MOB3B: variants seen among roughly 807,000 people sequenced by gnomAD.
The protein encoded by MOB3B is MOB kinase activator 3B.
A neutral mutation model predicts 18.7 loss-of-function variants in MOB3B; 7 were observed. That is an observed-to-expected ratio of 0.37 (90% CI 0.21 to 0.70). The LOEUF is 0.70. Ranked by LOEUF, MOB3B falls within the 30% of genes least tolerant of loss-of-function variation. The pLI is 0.52. For synonymous variants in MOB3B, 111 were observed against 99.9 expected (o/e 1.11, Z -0.66); for missense variants, 253 against 281.3 (o/e 0.90, Z 0.72).
rs61043046 is a variant in MOB3B at position 27,365,162 on chromosome 9, C to CAA, written c.419-5928_419-5927dup. 1.9e-3 allele frequency among the ~76,000 whole-genome samples: 205 copies of CAA among 109,808 alleles called. 5 individuals carry two copies. The highest frequency in any genetic ancestry group is 4.8e-3 in the African/African-American group (136 of 28,424). 72.0% of individuals were successfully genotyped at this position (109,808 alleles called of 152,430 possible). ...TCCATCATCTCCTGTTTGGGGGAGG[C>CAA]AAAAAAAAAAAAAGAAAACCCACAG... On this transcript the variant is annotated intron_variant, in intron 2 of 3. Transcript: ENST00000262244.
At chr9:27,394,909 A>T (rs903009978) in intron 2 of MOB3B, among the ~76,000 whole-genome samples, 1 of 152,238 alleles carries the variant, frequency 6.6e-6, no homozygotes, top group African/African-American at 2.4e-5. Flanking sequence ...TCATGCTTTG[A>T]CAGTGAGATG....
intron 1 of MOB3B, chr9:27,524,510 A>G (rs1018211823): frequency 6.2e-7 from 1 of 1,614,004 alleles, no homozygotes; most frequent in African/African-American, 1.3e-5. Context: ...TTCCTGTAGA[A>G]TGTCTACGAG....
chr9:27,440,572 G>A (rs1822578826), intron 2 of MOB3B, among the ~76,000 whole-genome samples: 1 of 151,820 alleles, frequency 6.6e-6, no homozygotes, highest in African/African-American at 2.4e-5. Context: ...AACTGGTGGT[G>A]GTCCACCACT....
intron 1 of MOB3B, among the ~76,000 whole-genome samples, chr9:27,479,289 A>G (rs1050214844): frequency 2.6e-5 from 4 of 152,120 alleles, no homozygotes; most frequent in African/African-American, 9.7e-5. Context: ...CTTTAATAAC[A>G]AACCCACTCC....
chr9:27,357,150 T>TATATATATATATA (rs1419061085), intron 3 of MOB3B, among the ~76,000 whole-genome samples: 1 of 60,138 alleles, frequency 1.7e-5, no homozygotes, highest in Non-Finnish European at 3.9e-5. Flanking sequence ...ATATATGTGT[T>TATATATATATATA]TTTTTTTTTG....
chr9:27,437,906 C>G (rs1172654376), intron 2 of MOB3B, among the ~76,000 whole-genome samples: 1 of 152,160 alleles, frequency 6.6e-6, no homozygotes, highest in East Asian at 1.9e-4. Context: ...AAAACAAAGA[C>G]ACACCCAAAA....
chr9:27,389,577 C>T (rs1821696940), intron 2 of MOB3B, among the ~76,000 whole-genome samples: 1 of 152,132 alleles, frequency 6.6e-6, no homozygotes, highest in South Asian at 2.1e-4. Context: ...TCATGGTTTT[C>T]TTCACAGCAC....
At chr9:27,446,370 C>A (rs1822693054) in intron 2 of MOB3B, among the ~76,000 whole-genome samples, 1 of 152,194 alleles carries the variant, frequency 6.6e-6, no homozygotes, top group Non-Finnish European at 1.5e-5. Context: ...GAAGATGGAA[C>A]TGGCTTTGTG....
intron 2 of MOB3B, among the ~76,000 whole-genome samples, chr9:27,419,369 C>T (rs1427490023): frequency 1.3e-5 from 2 of 152,116 alleles, no homozygotes; most frequent in Non-Finnish European, 2.9e-5. Flanking sequence ...AGCAAAAGAA[C>T]AAATCTGGAG....
chr9:27,522,173 C>T (rs1323508115), intron 1 of MOB3B, among the ~76,000 whole-genome samples: 4 of 127,322 alleles, frequency 3.1e-5, no homozygotes, highest in Non-Finnish European at 6.3e-5. Flanking sequence ...ACCCGGGAGG[C>T]GGAGGTTGCA....
intron 2 of MOB3B, among the ~76,000 whole-genome samples, chr9:27,450,096 G>A (rs996159329): frequency 6.6e-6 from 1 of 151,596 alleles, no homozygotes; most frequent in East Asian, 1.9e-4. Flanking sequence ...TATATTTTCA[G>A]ATCCCTTGCC....
At chr9:27,413,950 A>T (rs1353112113) in intron 2 of MOB3B, among the ~76,000 whole-genome samples, 1 of 152,222 alleles carries the variant, frequency 6.6e-6, no homozygotes, top group Non-Finnish European at 1.5e-5. Context: ...TATCTCAATG[A>T]ACAGAAGGCG....
chr9:27,391,395 G>C (rs1821725487), intron 2 of MOB3B, among the ~76,000 whole-genome samples: 1 of 152,150 alleles, frequency 6.6e-6, no homozygotes, highest in Non-Finnish European at 1.5e-5. Flanking sequence ...GAAGGGGGCA[G>C]AGCTTTTTAA....
intron 1 of MOB3B, among the ~76,000 whole-genome samples, chr9:27,483,226 G>C (rs1040569408): frequency 7.6e-6 from 1 of 132,150 alleles, no homozygotes; most frequent in Non-Finnish European, 1.5e-5. Flanking sequence ...TCCGCCTCCC[G>C]GGTTCACGCC....
rs1028365854 is a variant in MOB3B, at chr9:27,325,420, C to T, written c.*5167G>A. On this transcript the variant is annotated 3_prime_UTR_variant, in exon 4 of 4. Coordinates refer to ENST00000262244, the MANE Select transcript of MOB3B (RefSeq NM_024761.5). ...TATGTAAAAAAGATACAGGAAAATT[C>T]TGAAATCAGATCACTATAAGCTAGT... is the stretch of plus-strand genomic sequence containing the variant. 1 of 152,128 alleles carries T rather than the reference C, an allele frequency of 6.6e-6. No homozygotes were observed. Among genetic ancestry groups the T allele is most frequent in the Non-Finnish European group, 1.5e-5 (1 of 68,024 alleles). The allele number at this position is 152,128 out of a possible 1,614,324, so 9.4% of individuals were successfully genotyped here.
intron 2 of MOB3B, among the ~76,000 whole-genome samples, chr9:27,401,768 A>T (rs1490902579): frequency 6.6e-6 from 1 of 152,242 alleles, no homozygotes; most frequent in African/African-American, 2.4e-5. Flanking sequence ...AGAAAAACAT[A>T]CAGGTAAGCA....
At chr9:27,341,059 G>A (rs893446944) in intron 3 of MOB3B, among the ~76,000 whole-genome samples, 14 of 152,248 alleles carry the variant, frequency 9.2e-5, no homozygotes, top group African/African-American at 3.4e-4. Flanking sequence ...AAGGCTGGAT[G>A]CGGGAGGGCA....
chr9:27,362,870 A>G (rs1195942435), intron 2 of MOB3B, among the ~76,000 whole-genome samples: 2 of 152,250 alleles, frequency 1.3e-5, no homozygotes, highest in Non-Finnish European at 2.9e-5. Context: ...TCTGCCTTAC[A>G]GACGTCCAGA....
chr9:27,342,833 C>T (rs540583026), intron 3 of MOB3B, among the ~76,000 whole-genome samples: 2 of 151,638 alleles, frequency 1.3e-5, no homozygotes, highest in South Asian at 4.2e-4. Context: ...CACCTCCCAG[C>T]CGCCTGCCTT....
Sources: allele counts gnomAD v4.1 joint callset (sites outside exome capture counted in the v4.1 genomes callset), GRCh38; gene constraint gnomAD v4.1.1; transcripts MANE v1.5; gene names NCBI Gene and HGNC (gene_info 2026-07-23, HGNC 2026-07-21).